FBXO11: variants seen among roughly 807,000 people sequenced by gnomAD.
FBXO11 encodes F-box only protein 11.
FBXO11 carries 13 observed loss-of-function variants against 117.0 expected under a neutral mutation model. That is an observed-to-expected ratio of 0.11 (90% confidence interval 0.07 to 0.18). The LOEUF is 0.18. Among genes scored for constraint, FBXO11 ranks in the 10% least tolerant of loss-of-function variants. The probability of loss-of-function intolerance (pLI) is 1.00; values close to 1 mark genes in which losing one functional copy is unlikely to be tolerated. For synonymous variants in FBXO11, 490 were observed against 380.5 expected, an observed-to-expected ratio of 1.29 and a Z score of -3.35; for missense variants, 767 against 1,164.4, an observed-to-expected ratio of 0.66 and a Z score of 4.97.
At chr2:47,834,100 C>T (rs773707072) in intron 7 of FBXO11, among the ~76,000 whole-genome samples, 2 of 152,220 alleles carry the variant, frequency 1.3e-5, no homozygotes, top group Admixed American at 1.3e-4. Context: ...CTGTAATCCC[C>T]GCACTTTGGA....
At chr2:47,817,002 A>G (rs752242053) in intron 16 of FBXO11, among the ~76,000 whole-genome samples, 15 of 152,186 alleles carry the variant, frequency 9.9e-5, no homozygotes, top group South Asian at 2.1e-4. Flanking sequence ...GAAGTCAGGC[A>G]TTGACTTCTC....
At chr2:47,875,060 T>C (rs1303600315) in intron 1 of FBXO11, among the ~76,000 whole-genome samples, 1 of 152,162 alleles carries the variant, frequency 6.6e-6, no homozygotes, top group Non-Finnish European at 1.5e-5. Flanking sequence ...ACTTCATTTA[T>C]ATGCTCAATT....
chr2:47,830,096 C>T (rs1672069733), intron 11 of FBXO11, among the ~76,000 whole-genome samples: 1 of 151,898 alleles, frequency 6.6e-6, no homozygotes, highest in South Asian at 2.1e-4. Context: ...AGAAAGATAG[C>T]TAAGTTTCTA....
chr2:47,906,289 C>T lies in FBXO11; in HGVS notation c.-569G>A, dbSNP rs937733940. ...TTCTGTGAGGAATTTTTCTCTCTTT[C>T]TTCGGTCTCTTCTCTCTCCTCCCCC... On this transcript the variant is annotated 5_prime_UTR_variant, in exon 1 of 23. Coordinates refer to ENST00000403359, the MANE Select transcript of FBXO11 (RefSeq NM_001190274.2). 9 of 156,126 alleles carry T rather than the reference C, an allele frequency of 5.8e-5. No individual in the cohort carries two copies. The highest frequency in any genetic ancestry group is 2.6e-4 in the Admixed American group (4 of 15,344). 9.7% of individuals were successfully genotyped at this position (156,126 alleles called of 1,614,324 possible).
At chr2:47,810,490 G>GAAAT in intron 18 of FBXO11, 64 bp from the exon 19 acceptor site, 1 of 988,986 alleles carries the variant, frequency 1.0e-6, no homozygotes, top group South Asian at 1.7e-5. Context: ...CCTTTTTGGT[G>GAAAT]GTATTTAGGT....
intron 1 of FBXO11, among the ~76,000 whole-genome samples, chr2:47,902,492 C>T (rs1678370820): frequency 6.6e-6 from 1 of 152,020 alleles, no homozygotes; most frequent in South Asian, 2.1e-4. Context: ...AAACACTGGC[C>T]ATTACAGATA....
intron 1 of FBXO11, among the ~76,000 whole-genome samples, chr2:47,873,315 G>A (rs1440268937): frequency 6.6e-6 from 1 of 152,158 alleles, no homozygotes; most frequent in Non-Finnish European, 1.5e-5. Context: ...TCAGCTTTCC[G>A]CCTTGATGGT....
At chr2:47,895,292 T>C (rs2104008109) in intron 1 of FBXO11, among the ~76,000 whole-genome samples, 1 of 152,318 alleles carries the variant, frequency 6.6e-6, no homozygotes, top group Admixed American at 6.5e-5. Flanking sequence ...AGTATATTCA[T>C]ACAATGTAAT....
At chr2:47,903,547 TAA>T (rs1043521317) in intron 1 of FBXO11, among the ~76,000 whole-genome samples, 1 of 152,198 alleles carries the variant, frequency 6.6e-6, no homozygotes, top group East Asian at 1.9e-4. Context: ...AACAAATGAA[TAA>T]AAGTGTCCAA....
intron 1 of FBXO11, among the ~76,000 whole-genome samples, chr2:47,898,972 C>G (rs1284561968): frequency 6.6e-6 from 1 of 151,924 alleles, no homozygotes; most frequent in Non-Finnish European, 1.5e-5. Context: ...AATAAAATCT[C>G]TTACAGAATT....
intron 1 of FBXO11, among the ~76,000 whole-genome samples, chr2:47,901,257 T>G (rs1678280745): frequency 6.6e-6 from 1 of 151,248 alleles, no homozygotes; most frequent in South Asian, 2.1e-4. Flanking sequence ...AGGTTTTTAT[T>G]CTACAAGATT....
intron 1 of FBXO11, among the ~76,000 whole-genome samples, chr2:47,843,360 G>C (rs1673157308): frequency 6.6e-6 from 1 of 151,912 alleles, no homozygotes; most frequent in African/African-American, 2.4e-5. Flanking sequence ...CTTTTGTTGA[G>C]GGTGGTGGTG....
chr2:47,809,463 GCT>G (rs1200848347), intron 20 of FBXO11, 135 bp downstream of exon 20: 12 of 727,216 alleles, frequency 1.7e-5, no homozygotes, highest in South Asian at 3.9e-5. Context: ...TAGAACCAAA[GCT>G]CTGTTTCTTT....
At chr2:47,812,621 C>G (rs1451284541) in intron 18 of FBXO11, among the ~76,000 whole-genome samples, 1 of 152,156 alleles carries the variant, frequency 6.6e-6, no homozygotes, top group Non-Finnish European at 1.5e-5. Flanking sequence ...AGAGTAATAA[C>G]TAGCTATTCT....
chr2:47,891,304 CCT>C (rs1350476173), intron 1 of FBXO11, among the ~76,000 whole-genome samples: 1 of 152,134 alleles, frequency 6.6e-6, no homozygotes, highest in Non-Finnish European at 1.5e-5. Context: ...CCCTTTCACC[CCT>C]GACAACCACG....
intron 1 of FBXO11, among the ~76,000 whole-genome samples, chr2:47,886,432 G>T (rs1676853061): frequency 6.6e-6 from 1 of 151,822 alleles, no homozygotes; most frequent in African/African-American, 2.4e-5. Context: ...CTTGAACCCG[G>T]GAGGTGGAGG....
intron 1 of FBXO11, among the ~76,000 whole-genome samples, chr2:47,849,574 C>G (rs1294839408): frequency 6.6e-6 from 1 of 152,148 alleles, no homozygotes; most frequent in African/African-American, 2.4e-5. Context: ...CTTCAAGAGC[C>G]TAAGAGACAG....
At chr2:47,826,748 T>C (rs1216785914) in intron 11 of FBXO11, among the ~76,000 whole-genome samples, 1 of 152,166 alleles carries the variant, frequency 6.6e-6, no homozygotes, top group South Asian at 2.1e-4. Flanking sequence ...TTGTTGCTAG[T>C]TGTCCAAATC....
At chr2:47,882,775 C>G (rs1676529571) in intron 1 of FBXO11, among the ~76,000 whole-genome samples, 1 of 152,132 alleles carries the variant, frequency 6.6e-6, no homozygotes, top group African/African-American at 2.4e-5. Context: ...CCTCAGACTC[C>G]CAAGTAGCTG....
Sources: allele counts gnomAD v4.1 joint callset (sites outside exome capture counted in the v4.1 genomes callset), GRCh38; gene constraint gnomAD v4.1.1; transcripts MANE v1.5; gene names NCBI Gene and HGNC (gene_info 2026-07-23, HGNC 2026-07-21).